ENTREP2: variants seen among roughly 807,000 people sequenced by gnomAD.
The protein encoded by ENTREP2 is endosomal transmembrane epsin interactor 2, also known as protein ENTREP2.
chr15:29,496,781 T>A, the ENTREP2 span, among the ~76,000 whole-genome samples: 3 of 152,202 alleles, frequency 2.0e-5, no homozygotes, highest in African/African-American at 7.2e-5. Context: ...TTGTTTAATA[T>A]GCTATTGAAT....
the ENTREP2 span, chr15:29,151,799 T>C: frequency 9.7e-5 from 150 of 1,551,340 alleles, no homozygotes; most frequent in Non-Finnish European, 1.2e-4. Flanking sequence ...GCACACACGA[T>C]AGTGGACAGG....
the ENTREP2 span, among the ~76,000 whole-genome samples, chr15:29,433,828 C>A: frequency 6.6e-6 from 1 of 150,848 alleles, no homozygotes. Context: ...AGGATCTGTG[C>A]ATTCTCCTTT....
At chr15:29,625,568 G>C in the ENTREP2 span, among the ~76,000 whole-genome samples, 6 of 151,814 alleles carry the variant, frequency 4.0e-5, no homozygotes, top group Non-Finnish European at 7.4e-5. Flanking sequence ...GCTAATTTTT[G>C]TATTTTTAGT....
chr15:29,480,097 A>G, the ENTREP2 span, among the ~76,000 whole-genome samples: 1 of 151,896 alleles, frequency 6.6e-6, no homozygotes, highest in South Asian at 2.1e-4. Flanking sequence ...CAGATAATAC[A>G]CCTCATTATT....
the ENTREP2 span, chr15:29,570,430 C>G: frequency 9.8e-7 from 1 of 1,023,834 alleles, no homozygotes; most frequent in Non-Finnish European, 1.2e-6. Flanking sequence ...GGTGGCGTCC[C>G]GGCGGCCGCA....
At chr15:29,349,090 G>A in the ENTREP2 span, among the ~76,000 whole-genome samples, 1 of 152,182 alleles carries the variant, frequency 6.6e-6, no homozygotes, top group Non-Finnish European at 1.5e-5. Context: ...CTCTACGGCG[G>A]TGTCTTCTTT....
chr15:29,407,696 GTC>G, the ENTREP2 span, among the ~76,000 whole-genome samples: 1 of 151,936 alleles, frequency 6.6e-6, no homozygotes, highest in Non-Finnish European at 1.5e-5. Flanking sequence ...GGGAGCCCGA[GTC>G]TCTCTGTCAC....
the ENTREP2 span, chr15:29,196,758 C>T: frequency 1.9e-6 from 1 of 525,652 alleles, no homozygotes; most frequent in Non-Finnish European, 3.3e-6. Context: ...CCTATCTTAA[C>T]AGCAATGTAT....
At chr15:29,211,410 T>A in the ENTREP2 span, among the ~76,000 whole-genome samples, 1 of 152,216 alleles carries the variant, frequency 6.6e-6, no homozygotes, top group Non-Finnish European at 1.5e-5. Context: ...TGACTTCAGA[T>A]CTATGTCTCA....
chr15:29,215,612 C>T, the ENTREP2 span, among the ~76,000 whole-genome samples: 2 of 151,010 alleles, frequency 1.3e-5, no homozygotes, highest in Admixed American at 1.3e-4. Flanking sequence ...TTAGTTCTGT[C>T]CCTCTAGAGA....
the ENTREP2 span, among the ~76,000 whole-genome samples, chr15:29,373,430 GT>G: frequency 6.6e-6 from 1 of 152,088 alleles, no homozygotes. Flanking sequence ...ATTAGTTTGG[GT>G]TTGGAGTAGA....
chr15:29,656,954 T>C, the ENTREP2 span, among the ~76,000 whole-genome samples: 3 of 152,196 alleles, frequency 2.0e-5, no homozygotes, highest in East Asian at 5.8e-4. Flanking sequence ...CAAATTTCCC[T>C]CACCTTGTGA....
chr15:29,351,814 ATT>A, the ENTREP2 span, among the ~76,000 whole-genome samples: 3 of 146,616 alleles, frequency 2.0e-5, no homozygotes, highest in East Asian at 4.0e-4. Context: ...CAGCTTTTTT[ATT>A]TTTTTTTTGG....
the ENTREP2 span, among the ~76,000 whole-genome samples, chr15:29,167,282 C>A: frequency 6.6e-6 from 1 of 151,940 alleles, no homozygotes; most frequent in Non-Finnish European, 1.5e-5. Flanking sequence ...GACCGAGAAC[C>A]CAAAAGCAAA....
the ENTREP2 span, among the ~76,000 whole-genome samples, chr15:29,546,055 A>G: frequency 2.0e-5 from 3 of 152,220 alleles, no homozygotes; most frequent in South Asian, 4.1e-4. Flanking sequence ...TTCTATCTCA[A>G]CAATGAAACT....
At chr15:29,378,283 C>T in the ENTREP2 span, among the ~76,000 whole-genome samples, 1 of 151,072 alleles carries the variant, frequency 6.6e-6, no homozygotes, top group Non-Finnish European at 1.5e-5. Flanking sequence ...ACAGGTCCCA[C>T]TCGATGAATG....
the ENTREP2 span, among the ~76,000 whole-genome samples, chr15:29,478,900 A>C: frequency 7.0e-6 from 1 of 141,940 alleles, no homozygotes; most frequent in African/African-American, 2.7e-5. Flanking sequence ...AATAATAATA[A>C]AAGTGTGTGG....
At chr15:29,453,566 C>G in the ENTREP2 span, among the ~76,000 whole-genome samples, 1 of 152,224 alleles carries the variant, frequency 6.6e-6, no homozygotes, top group African/African-American at 2.4e-5. Flanking sequence ...CTGGGCTGCA[C>G]ACTTCCTGTT....
At chr15:29,651,220 TA>T in the ENTREP2 span, among the ~76,000 whole-genome samples, 1 of 152,226 alleles carries the variant, frequency 6.6e-6, no homozygotes, top group African/African-American at 2.4e-5. Flanking sequence ...CAGACCTAGC[TA>T]AATACTGTCA....
Sources: gnomAD v4.1 joint callset for allele counts (sites outside exome capture counted in the v4.1 genomes callset) on GRCh38, gnomAD v4.1.1 for gene constraint, MANE v1.5 for transcripts, NCBI Gene and HGNC (gene_info 2026-07-23, HGNC 2026-07-21) for gene names.